Variants in FSTL4 observed in about 807,000 individuals in gnomAD.
FSTL4 encodes the protein follistatin like 4.
In FSTL4, 28 loss-of-function variants were observed where a neutral mutation model predicts 78.2. That is an observed-to-expected ratio of 0.36 (90% CI 0.27 to 0.49). The LOEUF (loss-of-function observed/expected upper bound fraction) is 0.49. FSTL4 is among the 20% of genes least tolerant of loss of function. The probability of loss-of-function intolerance (pLI) is 0.98; values close to 1 mark genes in which losing one functional copy is unlikely to be tolerated. For missense variants in FSTL4, 922 were observed against 1,084.9 expected (o/e 0.85, Z 2.11); for synonymous variants, 422 against 440.5 (o/e 0.96, Z 0.53).
intron 4 of FSTL4, among the ~76,000 whole-genome samples, chr5:133,326,204 G>A (rs1754207801): frequency 6.6e-6 from 1 of 152,176 alleles, no homozygotes; most frequent in Admixed American, 6.5e-5. Context: ...TGCCATTTCT[G>A]GGAAAATTCA....
chr5:133,325,632 A>G (rs1754192244), intron 4 of FSTL4, among the ~76,000 whole-genome samples: 2 of 152,118 alleles, frequency 1.3e-5, no homozygotes, highest in African/African-American at 4.8e-5. Context: ...CTGAATGCCA[A>G]CAAATGGGGT....
In FSTL4 at chr5:133,199,691, G is replaced by T; in HGVS notation, c.1933C>A (p.Gln645Lys). Residue 645 changes from glutamine to lysine, a missense_variant, in exon 16 of 16, where the codon CAG becomes AAG. Transcript: ENST00000265342. This position sits in a 1 kb window ranked among gnomAD's most constrained non-coding sequence, Gnocchi z 4.4. ...IGLHHHGCVP[Q>K]AMAHTHLGGY... ...CCCAGGTGGGTGTGTGCCATGGCCT[G>T]GGGCACGCAGCCATGGTGGTGCAGG... The T allele has an allele frequency of 6.2e-7, 1 of 1,613,584 alleles. No individual in the cohort carries two copies. Among genetic ancestry groups the T allele is most frequent in the Non-Finnish European group, 8.5e-7 (1 of 1,179,612 alleles).
intron 3 of FSTL4, among the ~76,000 whole-genome samples, chr5:133,452,531 G>C (rs958428243): frequency 6.6e-6 from 1 of 152,232 alleles, no homozygotes; most frequent in African/African-American, 2.4e-5. Context: ...CTAACATCTA[G>C]TGCTTTACTA....
chr5:133,339,954 T>C lies in FSTL4; in HGVS notation c.410-23302A>G, dbSNP rs570461556. 2.6e-5 allele frequency among the ~76,000 whole-genome samples: 4 copies of C among 152,302 alleles called. No homozygotes were observed. In the South Asian group the frequency reaches 8.3e-4, roughly 32 times the overall value. On this transcript the variant is annotated intron_variant, in intron 4 of 15. Transcript: ENST00000265342. ...CACTCAGTGTGAAAAAGTATGGGGA[T>C]TGGAGTCACTGTGGTTTGAGAATCC...
rs1361069081 is a variant in FSTL4, at chr5:133,197,431, C to T, written c.*1664G>A. ...AAACAGACGTACCTGTCTAGGCGCACCCCTAGGAGTTACAGGGGACAGGCG... is the reference window on the plus strand; with the variant it reads ...AAACAGACGTACCTGTCTAGGCGCATCCCTAGGAGTTACAGGGGACAGGCG... On this transcript the variant is annotated 3_prime_UTR_variant, in exon 16 of 16. Transcript: ENST00000265342. 2 of 152,204 alleles carry T rather than the reference C, an allele frequency of 1.3e-5. No homozygotes were observed. Among genetic ancestry groups the T allele is most frequent in the African/African-American group, 4.8e-5 (2 of 41,402 alleles). The allele number at this position is 152,204 out of a possible 1,614,324, so 9.4% of individuals were successfully genotyped here. A position where few individuals can be genotyped will look rare whatever the true frequency, so the allele number is the denominator to read the frequency against.
At chr5:133,836,779 G>T in the FSTL4 span, among the ~76,000 whole-genome samples, 2 of 152,156 alleles carry the variant, frequency 1.3e-5, no homozygotes, top group African/African-American at 2.4e-5. Flanking sequence ...ATATTTCAGT[G>T]CCTTCAAGCT....
intron 6 of FSTL4, among the ~76,000 whole-genome samples, chr5:133,267,022 G>A (rs1752659248): frequency 6.6e-6 from 1 of 152,226 alleles, no homozygotes; most frequent in African/African-American, 2.4e-5. Flanking sequence ...GGTCTGGCCT[G>A]CCAGTTGGGC....
intron 2 of FSTL4, among the ~76,000 whole-genome samples, chr5:133,594,059 C>G (rs1760691770): frequency 6.6e-6 from 1 of 152,168 alleles, no homozygotes; most frequent in Non-Finnish European, 1.5e-5. Flanking sequence ...CCCGATTGGC[C>G]AAGCCAGCCC....
intron 4 of FSTL4, among the ~76,000 whole-genome samples, chr5:133,317,798 T>C (rs1753945780): frequency 6.6e-6 from 1 of 152,162 alleles, no homozygotes; most frequent in Non-Finnish European, 1.5e-5. Flanking sequence ...GATGTGCACA[T>C]ACAGGCCTTT....
chr5:133,277,127 C>A (rs1752901582), intron 6 of FSTL4, among the ~76,000 whole-genome samples: 1 of 152,144 alleles, frequency 6.6e-6, no homozygotes, highest in Non-Finnish European at 1.5e-5. Context: ...GCCTGGCCAA[C>A]ATGGTGAAAC....
chr5:133,498,346 A>G (rs1044718743), intron 3 of FSTL4, among the ~76,000 whole-genome samples: 4 of 152,250 alleles, frequency 2.6e-5, no homozygotes, highest in African/African-American at 9.6e-5. Flanking sequence ...AGAGGTGGAT[A>G]GAAGCCAGGA....
chr5:133,624,207 C>T, the FSTL4 span, among the ~76,000 whole-genome samples: 37,352 of 151,698 alleles, frequency 0.25, 5,928 homozygotes, highest in African/African-American at 0.46. Context: ...CAAATGTTCA[C>T]CAATGGAAGA....
chr5:133,744,479 A>T, the FSTL4 span, among the ~76,000 whole-genome samples: 1 of 152,202 alleles, frequency 6.6e-6, no homozygotes, highest in African/African-American at 2.4e-5. Flanking sequence ...GTCACTAGGC[A>T]CCACGACATC....
intron 6 of FSTL4, among the ~76,000 whole-genome samples, chr5:133,263,846 G>A (rs931726547): frequency 2.0e-5 from 3 of 152,188 alleles, no homozygotes; most frequent in African/African-American, 7.2e-5. Flanking sequence ...CTCTGAGTGG[G>A]TGAGGCAGGG....
intron 3 of FSTL4, among the ~76,000 whole-genome samples, chr5:133,496,738 G>T (rs1365435107): frequency 1.3e-5 from 2 of 152,122 alleles, no homozygotes; most frequent in Non-Finnish European, 2.9e-5. Context: ...TGAGACTGGG[G>T]CTGTCCCAGG....
intron 3 of FSTL4, among the ~76,000 whole-genome samples, chr5:133,525,891 C>T (rs1759087243): frequency 6.6e-6 from 1 of 152,236 alleles, no homozygotes; most frequent in Admixed American, 6.5e-5. Context: ...TGTCAATATT[C>T]TCCTAGCTCT....
intron 6 of FSTL4, among the ~76,000 whole-genome samples, chr5:133,263,900 C>A (rs1262123463): frequency 6.6e-6 from 1 of 152,010 alleles, no homozygotes; most frequent in African/African-American, 2.4e-5. Context: ...GGGGCAGAGA[C>A]CTTGTGCATT....
chr5:133,769,193 A>C, the FSTL4 span, among the ~76,000 whole-genome samples: 2 of 152,250 alleles, frequency 1.3e-5, no homozygotes, highest in South Asian at 4.1e-4. Flanking sequence ...TCCAGAGATC[A>C]ATCCTGTCTT....
the FSTL4 span, among the ~76,000 whole-genome samples, chr5:133,695,462 T>G: frequency 6.6e-6 from 1 of 152,302 alleles, no homozygotes; most frequent in African/African-American, 2.4e-5. Flanking sequence ...TTATTCCCCT[T>G]AAATTATCAT....
Sources: gnomAD v4.1 joint callset for allele counts (sites outside exome capture counted in the v4.1 genomes callset) on GRCh38, gnomAD v4.1.1 for gene constraint, Gnocchi (gnomAD v3.1) non-coding constraint, MANE v1.5 for transcripts, NCBI Gene and HGNC (gene_info 2026-07-23, HGNC 2026-07-21) for gene names.